MBOAT2: variants seen among roughly 807,000 people sequenced by gnomAD.
MBOAT2 encodes membrane-bound glycerophospholipid O-acyltransferase 2.
MBOAT2 carries 28 observed loss-of-function variants against 63.4 expected under a neutral mutation model. The observed-to-expected ratio is 0.44, with a 90% confidence interval of 0.33 to 0.61. The LOEUF (loss-of-function observed/expected upper bound fraction) is 0.61, where lower values mean the gene tolerates loss of function less well. MBOAT2 is among the 20% of genes least tolerant of loss of function. MBOAT2 has a pLI of 0.03. For synonymous variants in MBOAT2, 211 were observed against 215.6 expected (o/e 0.98, Z 0.19); for missense variants, 470 against 605.8 (o/e 0.78, Z 2.35).
chr2:8,943,368 GA>G (rs1251705592), intron 2 of MBOAT2, 104 bp from the exon 3 acceptor site: 200 of 560,284 alleles, frequency 3.6e-4, no homozygotes, highest in East Asian at 4.4e-4. Context: ...AGTATTCCCA[GA>G]AAAAAAAATA....
At chr2:8,873,589 A>T (rs375944256) in intron 7 of MBOAT2, among the ~76,000 whole-genome samples, 1 of 152,102 alleles carries the variant, frequency 6.6e-6, no homozygotes, top group African/African-American at 2.4e-5. Flanking sequence ...AAAAGCAAGC[A>T]TAAGTGTATT....
chr2:8,914,508 A>G (rs914637753), intron 3 of MBOAT2, among the ~76,000 whole-genome samples: 5 of 152,038 alleles, frequency 3.3e-5, no homozygotes, highest in African/African-American at 9.7e-5. Context: ...AAAAACAATG[A>G]AAGTGTTTTG....
intron 1 of MBOAT2, among the ~76,000 whole-genome samples, chr2:8,969,881 A>G (rs768658367): frequency 9.2e-5 from 14 of 152,206 alleles, no homozygotes; most frequent in Non-Finnish European, 1.8e-4. Flanking sequence ...AAGTCCTTAG[A>G]GACCTACAAA....
At chr2:8,934,567 CA>C in intron 3 of MBOAT2, among the ~76,000 whole-genome samples, 1 of 152,224 alleles carries the variant, frequency 6.6e-6, no homozygotes, top group Non-Finnish European at 1.5e-5. Context: ...AAGATAATAT[CA>C]AAAAATCAAT....
intron 3 of MBOAT2, among the ~76,000 whole-genome samples, chr2:8,927,637 G>A (rs75252753): frequency 0.013 from 1,930 of 152,246 alleles, 43 homozygotes; most frequent in African/African-American, 0.044. Flanking sequence ...GGAGATAAGG[G>A]CACAGGCAGG....
intron 2 of MBOAT2, among the ~76,000 whole-genome samples, chr2:8,946,517 C>T (rs1055377244): frequency 1.3e-5 from 2 of 152,180 alleles, no homozygotes; most frequent in African/African-American, 4.8e-5. Context: ...TTTGCAGATA[C>T]TGAGATTTTT....
At chr2:8,945,972 G>A (rs1031085245) in intron 2 of MBOAT2, among the ~76,000 whole-genome samples, 1 of 152,114 alleles carries the variant, frequency 6.6e-6, no homozygotes, top group Admixed American at 6.5e-5. Flanking sequence ...TCCTCACAGA[G>A]CTCCCAGTCT....
intron 1 of MBOAT2, among the ~76,000 whole-genome samples, chr2:8,969,066 T>C (rs1047705390): frequency 4.6e-5 from 7 of 152,194 alleles, no homozygotes; most frequent in Admixed American, 1.3e-4. Flanking sequence ...AGACACATAA[T>C]TGTAAGATTC....
intron 7 of MBOAT2, among the ~76,000 whole-genome samples, chr2:8,873,896 G>A (rs1322010157): frequency 6.6e-6 from 1 of 152,124 alleles, no homozygotes; most frequent in Admixed American, 6.6e-5. Flanking sequence ...CGGTAAGGTC[G>A]CATCACCAAC....
At chr2:8,901,891 C>T (rs1158553391) in intron 4 of MBOAT2, among the ~76,000 whole-genome samples, 2 of 151,814 alleles carry the variant, frequency 1.3e-5, no homozygotes, top group African/African-American at 2.4e-5. Context: ...AGAAGAGAGG[C>T]GAGAGGAAGT....
At chr2:8,875,449 A>T (rs1558561047) in intron 7 of MBOAT2, among the ~76,000 whole-genome samples, 1 of 152,322 alleles carries the variant, frequency 6.6e-6, no homozygotes, top group South Asian at 2.1e-4. Flanking sequence ...TTCTTTGTCA[A>T]GTTTGATTTA....
chr2:8,985,153 C>T (rs1671470872), intron 1 of MBOAT2, among the ~76,000 whole-genome samples: 1 of 152,158 alleles, frequency 6.6e-6, no homozygotes, highest in African/African-American at 2.4e-5. Context: ...AATTCTTCAT[C>T]TTCCACTGCT....
chr2:8,921,654 A>G (rs867012300), intron 3 of MBOAT2, among the ~76,000 whole-genome samples: 2 of 152,182 alleles, frequency 1.3e-5, no homozygotes, highest in Admixed American at 1.3e-4. Flanking sequence ...TTCTTGAAGG[A>G]TAATTTTGCT....
At chr2:8,995,107 T>G (rs1672185160) in intron 1 of MBOAT2, among the ~76,000 whole-genome samples, 1 of 152,106 alleles carries the variant, frequency 6.6e-6, no homozygotes, top group African/African-American at 2.4e-5. Context: ...GACAGAGACT[T>G]TCAAAGGTAA....
chr2:8,887,390 G>C (rs1663638228), intron 5 of MBOAT2, among the ~76,000 whole-genome samples: 1 of 152,122 alleles, frequency 6.6e-6, no homozygotes, highest in South Asian at 2.1e-4. Context: ...CAATAAGAGG[G>C]AAAACCTGCC....
intron 2 of MBOAT2, among the ~76,000 whole-genome samples, chr2:8,955,566 G>A (rs942777828): frequency 3.3e-5 from 5 of 152,170 alleles, no homozygotes; most frequent in South Asian, 2.1e-4. Flanking sequence ...ATGTACTATC[G>A]TGCTATTTCC....
intron 5 of MBOAT2, among the ~76,000 whole-genome samples, chr2:8,884,640 T>A (rs1443956732): frequency 6.6e-6 from 1 of 152,246 alleles, no homozygotes; most frequent in Non-Finnish European, 1.5e-5. Flanking sequence ...AACTATGTCA[T>A]TATATTTAGT....
At position 8,875,555 on chromosome 2, in the gene MBOAT2, T is replaced by G. The variant is rs540841639; in HGVS notation, c.690+1475A>C. Among the ~76,000 whole-genome samples, 23 of 152,362 alleles carry G rather than the reference T, an allele frequency of 1.5e-4. No homozygotes were observed. The South Asian group carries it at 4.6e-3, about 30-fold the overall frequency. On this transcript the variant is annotated intron_variant, in intron 7 of 12. Transcript: ENST00000305997. ...TAAAATGGGGAAGACATTAAGATTC[T>G]CCTTTTGCAGACAAGGACTCATACA...
Position 8,852,911 on chromosome 2 carries a change from A to G in MBOAT2, c.*5768T>C, listed in dbSNP as rs935493619. On this transcript the variant is annotated 3_prime_UTR_variant, in exon 13 of 13. Coordinates refer to ENST00000305997, the MANE Select transcript of MBOAT2 (RefSeq NM_138799.4). The stretch of plus-strand genomic sequence containing the variant: ...TTTACCGTACATCAGGAACTAATTT[A>G]TGAATCTGTTGAAAAATAACACTTC... 1 of 152,268 alleles carries G rather than the reference A, an allele frequency of 6.6e-6. No homozygotes were observed. Among genetic ancestry groups the G allele is most frequent in the Non-Finnish European group, 1.5e-5 (1 of 68,048 alleles). 9.4% of individuals were successfully genotyped at this position (152,268 alleles called of 1,614,324 possible). A position where few individuals can be genotyped will look rare whatever the true frequency, so the allele number is the denominator to read the frequency against.
Sources: allele counts gnomAD v4.1 joint callset (sites outside exome capture counted in the v4.1 genomes callset), GRCh38; gene constraint gnomAD v4.1.1; transcripts MANE v1.5; gene names NCBI Gene and HGNC (gene_info 2026-07-23, HGNC 2026-07-21).